ITGBL1: variants seen among roughly 807,000 people sequenced by gnomAD.
The protein encoded by ITGBL1 is integrin subunit beta like 1.
Under a neutral mutation model 68.5 loss-of-function variants are expected in ITGBL1, and 51 were observed. That is an observed-to-expected ratio of 0.74 (90% CI 0.59 to 0.94). The LOEUF (loss-of-function observed/expected upper bound fraction) is 0.94, where lower values mean the gene tolerates loss of function less well. Among genes scored for constraint, ITGBL1 ranks in the 40% least tolerant of loss-of-function variants. The probability of loss-of-function intolerance (pLI) is 0.00; values close to 1 mark genes in which losing one functional copy is unlikely to be tolerated. For missense variants in ITGBL1, 649 were observed against 647.4 expected, an observed-to-expected ratio of 1.00 and a Z score of -0.03; for synonymous variants, 209 against 227.3, an observed-to-expected ratio of 0.92 and a Z score of 0.72.
intron 2 of ITGBL1, among the ~76,000 whole-genome samples, chr13:101,544,632 G>T (rs2049783377): frequency 6.6e-6 from 1 of 152,184 alleles, no homozygotes; most frequent in South Asian, 2.1e-4. Flanking sequence ...CTTTTGTTTG[G>T]CTATGCCCCG....
At position 101,585,725 on chromosome 13, in the gene ITGBL1, C is replaced by T. The variant is rs116232984; in HGVS notation, c.868+2369C>T. On this transcript the variant is annotated intron_variant, in intron 6 of 10. Transcript: ENST00000376180. The stretch of plus-strand genomic sequence containing the variant: ...GATTACAGGTGTGAGCCACCTCCCC[C>T]GGCGGCAATGTCATTTTAAGATTGC... Among the ~76,000 whole-genome samples, 1,394 of 152,142 alleles carry T rather than the reference C, an allele frequency of 9.2e-3. 21 individuals are homozygous for T. The highest frequency in any genetic ancestry group is 0.032 in the African/African-American group (1,315 of 41,512).
chr13:101,651,763 G>GT (rs200597279), intron 7 of ITGBL1, among the ~76,000 whole-genome samples: 29,738 of 151,920 alleles, frequency 0.2, 2,973 homozygotes, highest in East Asian at 0.25. Flanking sequence ...TGTCCTAAAT[G>GT]GTATTACCTA....
chr13:101,513,118 C>T (rs2049141837), intron 2 of ITGBL1, among the ~76,000 whole-genome samples: 2 of 152,094 alleles, frequency 1.3e-5, no homozygotes, highest in African/African-American at 4.8e-5. Flanking sequence ...AGTACTATGG[C>T]ACACACCCCT....
intron 7 of ITGBL1, among the ~76,000 whole-genome samples, chr13:101,666,432 G>C (rs2033219096): frequency 6.6e-6 from 1 of 151,928 alleles, no homozygotes. Flanking sequence ...TCTCTGGCAA[G>C]TTCTTTTTAA....
rs141961962 is a variant in ITGBL1, at chr13:101,579,502, G to T, written c.727+75G>T. On this transcript the variant is annotated intron_variant, in intron 5 of 10. Transcript: ENST00000376180. ...TTAATTGTTAACACTTCTTTTCTTTGTATTTCCTCTAGTGTGGGAGGAAGT... is the reference window on the plus strand; with the variant it reads ...TTAATTGTTAACACTTCTTTTCTTTTTATTTCCTCTAGTGTGGGAGGAAGT... 1.5e-4 allele frequency: 217 copies of T among 1,468,316 alleles called. 3 individuals carry two copies. In the African/African-American group the frequency reaches 2.8e-3, roughly 19 times the overall value. 91.0% of individuals were successfully genotyped at this position (1,468,316 alleles called of 1,614,324 possible).
intron 7 of ITGBL1, among the ~76,000 whole-genome samples, chr13:101,609,087 T>C (rs2031008304): frequency 6.6e-6 from 1 of 152,068 alleles, no homozygotes; most frequent in African/African-American, 2.4e-5. Flanking sequence ...TCTATTACCA[T>C]GCAATAGCCC....
intron 7 of ITGBL1, among the ~76,000 whole-genome samples, chr13:101,607,533 C>A (rs2030928121): frequency 6.6e-6 from 1 of 151,728 alleles, no homozygotes; most frequent in Admixed American, 6.6e-5. Context: ...GTTCTAAATG[C>A]CATAATTTAT....
intron 2 of ITGBL1, among the ~76,000 whole-genome samples, chr13:101,503,673 A>T (rs767636983): frequency 6.6e-6 from 1 of 152,242 alleles, no homozygotes; most frequent in Non-Finnish European, 1.5e-5. Flanking sequence ...CAACAGAAAG[A>T]ACTGGTTTTC....
At chr13:101,611,625 C>T (rs1014550404) in intron 7 of ITGBL1, among the ~76,000 whole-genome samples, 3 of 151,252 alleles carry the variant, frequency 2.0e-5, no homozygotes, top group Non-Finnish European at 4.4e-5. Flanking sequence ...GTGGGCAGAC[C>T]CTGAGTTAGT....
chr13:101,507,711 T>C (rs74829507), intron 2 of ITGBL1, among the ~76,000 whole-genome samples: 3,767 of 152,194 alleles, frequency 0.025, 70 homozygotes, highest in Middle Eastern at 0.044. Context: ...AAGGAAGAGA[T>C]TTTAAGACTG....
At chr13:101,600,865 T>C (rs1355103464) in intron 7 of ITGBL1, among the ~76,000 whole-genome samples, 3 of 152,214 alleles carry the variant, frequency 2.0e-5, no homozygotes, top group African/African-American at 2.4e-5. Flanking sequence ...GATTTTTGCA[T>C]TGATGTTCAT....
chr13:101,570,885 G>A (rs370120723), intron 3 of ITGBL1, among the ~76,000 whole-genome samples: 6 of 152,232 alleles, frequency 3.9e-5, no homozygotes, highest in Admixed American at 3.3e-4. Flanking sequence ...GGCAAGGTTA[G>A]GATCATTTAT....
intron 2 of ITGBL1, among the ~76,000 whole-genome samples, chr13:101,526,155 C>CTTCTTCTT (rs368448615): frequency 8.6e-4 from 117 of 136,546 alleles, no homozygotes; most frequent in African/African-American, 1.7e-3. Flanking sequence ...TCTTCTTCTT[C>CTTCTTCTT]TTTTTTTTTT....
At chr13:101,635,096 A>G (rs2032124334) in intron 7 of ITGBL1, among the ~76,000 whole-genome samples, 2 of 152,068 alleles carry the variant, frequency 1.3e-5, no homozygotes. Flanking sequence ...TTATATAGTC[A>G]AAAGAAAATG....
chr13:101,702,487 A>G (rs2034158142), intron 8 of ITGBL1, among the ~76,000 whole-genome samples: 1 of 152,118 alleles, frequency 6.6e-6, no homozygotes, highest in African/African-American at 2.4e-5. Context: ...GATTGCATTC[A>G]TGCTGTAAAT....
intron 3 of ITGBL1, among the ~76,000 whole-genome samples, chr13:101,572,874 CAT>C: frequency 6.6e-6 from 1 of 152,082 alleles, no homozygotes; most frequent in Admixed American, 6.6e-5. Flanking sequence ...TTCCTGCTCT[CAT>C]ATTATATATG....
chr13:101,661,358 C>T (rs1458096835), intron 7 of ITGBL1, among the ~76,000 whole-genome samples: 1 of 152,082 alleles, frequency 6.6e-6, no homozygotes, highest in African/African-American at 2.4e-5. Flanking sequence ...TATTACTGAT[C>T]TTGCACCTCT....
chr13:101,506,449 C>T (rs535011558), intron 2 of ITGBL1, among the ~76,000 whole-genome samples: 9 of 152,164 alleles, frequency 5.9e-5, no homozygotes, highest in East Asian at 1.9e-4. Context: ...TTGTTCATAG[C>T]GACTCTGAAA....
At chr13:101,628,249 A>AATT (rs1345939904) in intron 7 of ITGBL1, among the ~76,000 whole-genome samples, 4 of 152,182 alleles carry the variant, frequency 2.6e-5, no homozygotes, top group African/African-American at 9.7e-5. Flanking sequence ...TGTTTTCTTT[A>AATT]ATAAGGCATC....
Sources: allele counts gnomAD v4.1 joint callset (sites outside exome capture counted in the v4.1 genomes callset), GRCh38; gene constraint gnomAD v4.1.1; transcripts MANE v1.5; gene names NCBI Gene and HGNC (gene_info 2026-07-23, HGNC 2026-07-21).